The following TIAM1 variants were observed in gnomAD, a reference collection of about 807,000 sequenced individuals.
TIAM1 encodes the protein rho guanine nucleotide exchange factor TIAM1.
A neutral mutation model predicts 163.5 loss-of-function variants in TIAM1; 65 were observed. The ratio of observed to expected loss-of-function variants is 0.40; its 90% CI spans 0.33 to 0.49. TIAM1 has a LOEUF of 0.49. Ranked by LOEUF, TIAM1 falls within the 20% of genes least tolerant of loss-of-function variation. The probability of loss-of-function intolerance (pLI) is 0.77; values close to 1 mark genes in which losing one functional copy is unlikely to be tolerated. For missense variants in TIAM1, 1,789 were observed against 2,044.7 expected (o/e 0.87, Z 2.41); for synonymous variants, 833 against 810.1 (o/e 1.03, Z -0.48).
At chr21:31,205,452 A>T (rs1397436400) in intron 11 of TIAM1, among the ~76,000 whole-genome samples, 1 of 152,172 alleles carries the variant, frequency 6.6e-6, no homozygotes, top group African/African-American at 2.4e-5. Flanking sequence ...CTCACCCAAG[A>T]AGTTCTGGTT....
At chr21:31,473,897 C>G (rs2045845962) in intron 1 of TIAM1, among the ~76,000 whole-genome samples, 1 of 152,124 alleles carries the variant, frequency 6.6e-6, no homozygotes, top group South Asian at 2.1e-4. Context: ...AAAAAAACAC[C>G]AGAGACTGGG....
At chr21:31,168,094 ATTTTTTT>A (rs11307082) in intron 15 of TIAM1, among the ~76,000 whole-genome samples, 1 of 141,774 alleles carries the variant, frequency 7.1e-6, no homozygotes, top group East Asian at 2.0e-4. Flanking sequence ...GATTCTTATT[ATTTTTTT>A]TTTTTTTTGG....
chr21:31,288,770 C>G (rs528377071), intron 2 of TIAM1, among the ~76,000 whole-genome samples: 46 of 152,276 alleles, frequency 3.0e-4, no homozygotes, highest in African/African-American at 6.3e-4. Context: ...CCAGAAGTTT[C>G]AAACATTATC....
At chr21:31,148,749 T>C (rs867024275) in intron 19 of TIAM1, among the ~76,000 whole-genome samples, 2 of 152,304 alleles carry the variant, frequency 1.3e-5, no homozygotes, top group Non-Finnish European at 2.9e-5. Flanking sequence ...CACACAAATA[T>C]GAGGGTTTAT....
chr21:31,435,769 T>G (rs2044188318), intron 2 of TIAM1, among the ~76,000 whole-genome samples: 1 of 152,170 alleles, frequency 6.6e-6, no homozygotes, highest in Admixed American at 6.5e-5. Flanking sequence ...AAGAGGTAAC[T>G]AGGTCAAGAG....
In TIAM1 at chr21:31,149,197, G is replaced by A. The variant is rs146165488; in HGVS notation, c.3367-2194C>T. On this transcript the variant is annotated intron_variant, in intron 19 of 27. Coordinates refer to ENST00000541036, the MANE Select transcript of TIAM1 (RefSeq NM_001353694.2). ...ATATGAAGAGGGTCCCACTTATGTGGAATTGAGAAGAGTGATGGTTGAGTA... is the reference window on the plus strand; with the variant it reads ...ATATGAAGAGGGTCCCACTTATGTGAAATTGAGAAGAGTGATGGTTGAGTA... Among the ~76,000 whole-genome samples the A allele has an allele frequency of 2.6e-4, 39 of 152,326 alleles. 2 individuals carry two copies. The South Asian group carries it at 8.1e-3, about 32-fold the overall frequency.
intron 1 of TIAM1, among the ~76,000 whole-genome samples, chr21:31,528,552 C>T (rs2147510819): frequency 6.6e-6 from 1 of 151,116 alleles, no homozygotes; most frequent in East Asian, 2.0e-4. Context: ...CACCTGTAAT[C>T]CCAGCACTTT....
intron 9 of TIAM1, among the ~76,000 whole-genome samples, chr21:31,216,169 C>A (rs1357918809): frequency 6.6e-6 from 1 of 151,716 alleles, no homozygotes; most frequent in Non-Finnish European, 1.5e-5. Context: ...GACTCCATCA[C>A]AAACAAAACA....
Position 31,414,516 on chromosome 21 carries a change from G to A in TIAM1, c.-369+49467C>T, listed in dbSNP as rs192407946. Among the ~76,000 whole-genome samples, 42 of 152,252 alleles carry A rather than the reference G, an allele frequency of 2.8e-4. No homozygotes were observed. The East Asian group carries it at 7.5e-3, about 27-fold the overall frequency. On this transcript the variant is annotated intron_variant, in intron 2 of 28. Transcript: ENST00000286827. The stretch of plus-strand genomic sequence containing the variant: ...GGTGGGAGCAACGGCCCCTTTCTAT[G>A]TGTCCAGTGAACAATCAAAAAAGCA...
intron 1 of TIAM1, among the ~76,000 whole-genome samples, chr21:31,499,856 T>C (rs868810142): frequency 2.5e-5 from 3 of 122,074 alleles, no homozygotes; most frequent in East Asian, 2.9e-4. Context: ...TCTTAGGAAA[T>C]AAAAAGAAGA....
intron 6 of TIAM1, among the ~76,000 whole-genome samples, chr21:31,238,535 T>C (rs1032011327): frequency 6.6e-6 from 1 of 152,204 alleles, no homozygotes; most frequent in South Asian, 2.1e-4. Context: ...GGAATTCACA[T>C]CAGAAATGTG....
intron 2 of TIAM1, among the ~76,000 whole-genome samples, chr21:31,373,730 T>A (rs577689650): frequency 2.6e-5 from 4 of 152,096 alleles, no homozygotes; most frequent in African/African-American, 9.7e-5. Context: ...TTCAGAGAGA[T>A]GCTGAGTTAA....
chr21:31,154,471 CATT>C, intron 16 of TIAM1, 45 bp from the exon 17 acceptor site: 2 of 1,584,566 alleles, frequency 1.3e-6, no homozygotes, highest in Non-Finnish European at 1.7e-6. Context: ...CATTATCCCT[CATT>C]AGACGCACCT....
intron 2 of TIAM1, among the ~76,000 whole-genome samples, chr21:31,433,606 A>T (rs558570830): frequency 6.6e-5 from 10 of 152,296 alleles, no homozygotes; most frequent in African/African-American, 2.2e-4. Flanking sequence ...GAAGCAAATT[A>T]AAAAAAGGAT....
Position 31,143,723 on chromosome 21 carries a change from TTCTG to T in TIAM1, c.3476-2223_3476-2220del, listed in dbSNP as rs573130198. 8.6e-5 allele frequency among the ~76,000 whole-genome samples: 13 copies of T among 151,988 alleles called. No individual in the cohort carries two copies. The East Asian group carries it at 1.9e-3, about 23-fold the overall frequency. On this transcript the variant is annotated intron_variant, in intron 20 of 27. Transcript: ENST00000541036. ...ATAAAAGGGCATCAGAACATGATTCTTCTGTCTTTTTTTTTTTTTTCTGAGACGG... is the reference window on the plus strand; with the variant it reads ...ATAAAAGGGCATCAGAACATGATTCTTCTTTTTTTTTTTTTTCTGAGACGG...
chr21:31,240,861 T>C (rs983579651), intron 6 of TIAM1, among the ~76,000 whole-genome samples: 1 of 152,194 alleles, frequency 6.6e-6, no homozygotes, highest in Admixed American at 6.5e-5. Flanking sequence ...GGAAGGTCAC[T>C]GATACGGTTT....
At chr21:31,509,927 A>G (rs1381509154) in intron 1 of TIAM1, among the ~76,000 whole-genome samples, 1 of 152,180 alleles carries the variant, frequency 6.6e-6, no homozygotes, top group African/African-American at 2.4e-5. Flanking sequence ...AGGCAGAGGT[A>G]CTAGTGCCCA....
chr21:31,419,557 A>G (rs767258012), intron 2 of TIAM1, among the ~76,000 whole-genome samples: 4 of 152,224 alleles, frequency 2.6e-5, no homozygotes, highest in Non-Finnish European at 4.4e-5. Context: ...CTTTCTGGAC[A>G]CTAATTCAGC....
intron 11 of TIAM1, among the ~76,000 whole-genome samples, chr21:31,207,369 G>A (rs1213360746): frequency 6.6e-6 from 1 of 152,162 alleles, no homozygotes; most frequent in African/African-American, 2.4e-5. Flanking sequence ...AGAATGAGCT[G>A]AATGCAAGAG....
Sources: allele counts gnomAD v4.1 joint callset (sites outside exome capture counted in the v4.1 genomes callset), GRCh38; gene constraint gnomAD v4.1.1; transcripts MANE v1.5; gene names NCBI Gene and HGNC (gene_info 2026-07-23, HGNC 2026-07-21).